The following AKAP13 variants were observed in gnomAD, a reference collection of about 807,000 sequenced individuals.
AKAP13 encodes the protein A-kinase anchor protein 13.
In AKAP13, 80 loss-of-function variants were observed where a neutral mutation model predicts 264.5. The ratio of observed to expected loss-of-function variants is 0.30; its 90% CI spans 0.25 to 0.36. The LOEUF is 0.36. Ranked by LOEUF, AKAP13 falls within the 10% of genes least tolerant of loss-of-function variation. AKAP13 has a pLI of 1.00. For synonymous variants in AKAP13, 1,380 were observed against 1,250.2 expected, an observed-to-expected ratio of 1.10 and a Z score of -2.19; for missense variants, 3,712 against 3,435.2, an observed-to-expected ratio of 1.08 and a Z score of -2.01.
intron 1 of AKAP13, among the ~76,000 whole-genome samples, chr15:85,482,718 A>G (rs1683457043): frequency 6.6e-6 from 1 of 152,212 alleles, no homozygotes; most frequent in Admixed American, 6.5e-5. Context: ...CACTAGTGAA[A>G]TAGGGGAAAT....
At chr15:85,648,807 C>G (rs1055550147) in intron 10 of AKAP13, among the ~76,000 whole-genome samples, 1 of 152,076 alleles carries the variant, frequency 6.6e-6, no homozygotes, top group South Asian at 2.1e-4. Flanking sequence ...CCACTGCACT[C>G]CAGCCTGGGC....
intron 1 of AKAP13, among the ~76,000 whole-genome samples, chr15:85,455,498 T>C (rs2074251035): frequency 6.6e-6 from 1 of 152,120 alleles, no homozygotes; most frequent in Non-Finnish European, 1.5e-5. Flanking sequence ...TTAGTCACAC[T>C]CTTTATACTT....
At chr15:85,553,623 T>C (rs2078040138) in intron 5 of AKAP13, among the ~76,000 whole-genome samples, 1 of 152,234 alleles carries the variant, frequency 6.6e-6, no homozygotes, top group Admixed American at 6.5e-5. Context: ...TTTTATGCTT[T>C]AACTGGCCAA....
chr15:85,458,010 C>T (rs1041545853), intron 1 of AKAP13, among the ~76,000 whole-genome samples: 2 of 151,922 alleles, frequency 1.3e-5, no homozygotes, highest in Non-Finnish European at 2.9e-5. Context: ...TGTGGTGGCG[C>T]CCGCCTGTAA....
intron 13 of AKAP13, among the ~76,000 whole-genome samples, chr15:85,667,604 G>C (rs2083675138): frequency 6.6e-6 from 1 of 152,204 alleles, no homozygotes; most frequent in Non-Finnish European, 1.5e-5. Flanking sequence ...TACCAAAATT[G>C]TGGATTTGTA....
Position 85,746,968 on chromosome 15 carries a change from A to G in AKAP13, c.*2291A>G, listed in dbSNP as rs1425007520. ...AGAGCACGTCGCCACAGAGCTTGAC[A>G]TCAATGTTAGAGGGTCTCTTACTCC... On this transcript the variant is annotated 3_prime_UTR_variant, in exon 37 of 37. Coordinates refer to ENST00000394518, the MANE Select transcript of AKAP13 (RefSeq NM_007200.5). 3 of 152,188 alleles carry G rather than the reference A, an allele frequency of 2.0e-5. No individual in the cohort carries two copies. The highest frequency in any genetic ancestry group is 4.8e-5 in the African/African-American group (2 of 41,448). 9.4% of individuals were successfully genotyped at this position (152,188 alleles called of 1,614,324 possible).
At chr15:85,633,096 A>G (rs397639) in intron 8 of AKAP13, among the ~76,000 whole-genome samples, 39,173 of 151,830 alleles carry the variant, frequency 0.26, 7,004 homozygotes, top group East Asian at 0.57. Flanking sequence ...TCGAACTCCT[A>G]ACCTTGTGAT....
At chr15:85,586,715 C>T (rs1056845508) in intron 8 of AKAP13, among the ~76,000 whole-genome samples, 2 of 151,930 alleles carry the variant, frequency 1.3e-5, no homozygotes, top group Non-Finnish European at 2.9e-5. Flanking sequence ...TACCTGAGGT[C>T]GGAAGTTCAA....
intron 17 of AKAP13, among the ~76,000 whole-genome samples, chr15:85,706,837 C>T (rs756745406): frequency 6.6e-6 from 1 of 152,064 alleles, no homozygotes; most frequent in Non-Finnish European, 1.5e-5. Context: ...AAGGAGGAGA[C>T]CTGTGAACCA....
chr15:85,710,693 C>T, intron 19 of AKAP13, 48 bp downstream of exon 19: 1 of 1,581,416 alleles, frequency 6.3e-7, no homozygotes, highest in Non-Finnish European at 8.6e-7. Context: ...CTTTCTGGTT[C>T]TGAATGTAAA....
intron 2 of AKAP13, among the ~76,000 whole-genome samples, chr15:85,487,143 C>G (rs2075578617): frequency 1.3e-5 from 2 of 152,226 alleles, no homozygotes; most frequent in Admixed American, 6.5e-5. Flanking sequence ...AAACTATAAT[C>G]TAACTTGTTT....
intron 8 of AKAP13, among the ~76,000 whole-genome samples, chr15:85,601,069 A>G (rs917466359): frequency 2.0e-5 from 3 of 152,230 alleles, no homozygotes; most frequent in African/African-American, 7.2e-5. Flanking sequence ...AGCAAAATTT[A>G]TCCTTGATGG....
intron 5 of AKAP13, among the ~76,000 whole-genome samples, chr15:85,569,293 G>T (rs115515716): frequency 0.013 from 2,014 of 152,188 alleles, 58 homozygotes; most frequent in African/African-American, 0.046. Context: ...AAGGATAGAT[G>T]AAAGAAGAGG....
At chr15:85,459,867 T>G (rs2074440365) in intron 1 of AKAP13, among the ~76,000 whole-genome samples, 1 of 152,328 alleles carries the variant, frequency 6.6e-6, no homozygotes, top group South Asian at 2.1e-4. Flanking sequence ...GACTCCTACT[T>G]AGTCTTCACT....
At chr15:85,535,282 C>T (rs2077353102) in intron 4 of AKAP13, 1 of 152,210 alleles carries the variant, frequency 6.6e-6, no homozygotes. Context: ...TCTCTTAAAT[C>T]TACACTAAAT....
At position 85,533,751 on chromosome 15, in the gene AKAP13, C is replaced by G; in HGVS notation, c.349C>G (p.Arg117Gly). ...AAATCAGCAGGCTTTGAACTTTACC[C>G]GTTTTCTTGACCAGTCAGGACCCCC... ...AGNQQALNFTRFLDQSGPPSG... is the reference protein window; with the variant it reads ...AGNQQALNFTGFLDQSGPPSG... The change falls in exon 4 of 37, where the codon CGT (arginine) becomes GGT (glycine). Residue 117 changes from arginine to glycine, a missense_variant. This residue lies in a region of AKAP13 where 2,759 missense variants were observed against 2,411.7 expected (regional missense o/e 1.14). Coordinates refer to ENST00000394518, the MANE Select transcript of AKAP13 (RefSeq NM_007200.5). 1.2e-6 allele frequency: 2 copies of G among 1,614,152 alleles called. No individual in the cohort carries two copies. The highest frequency in any genetic ancestry group is 1.3e-5 in the African/African-American group (1 of 75,028).
At position 85,727,606 on chromosome 15, in the gene AKAP13, G is replaced by C. The variant is rs1376198987; in HGVS notation, c.7087+143G>C. The C allele has an allele frequency of 1.2e-6, 1 of 805,470 alleles. No homozygotes were observed. The highest frequency in any genetic ancestry group is 2.0e-6 in the Non-Finnish European group (1 of 506,778). 49.9% of individuals were successfully genotyped at this position (805,470 alleles called of 1,614,324 possible). Reference sequence around the variant, plus strand: ...CTTGAAAGCAGCAAAATGAATAGCTGTTAACAAAAGAGAAACCAAGGCCAG... The same window carrying C: ...CTTGAAAGCAGCAAAATGAATAGCTCTTAACAAAAGAGAAACCAAGGCCAG... On this transcript the variant is annotated intron_variant, in intron 29 of 36. Coordinates refer to ENST00000394518, the MANE Select transcript of AKAP13 (RefSeq NM_007200.5). This position sits in a 1 kb window ranked among gnomAD's most constrained non-coding sequence, Gnocchi z 5.3.
intron 3 of AKAP13, among the ~76,000 whole-genome samples, chr15:85,522,410 CCTAA>C (rs2076854471): frequency 1.3e-5 from 2 of 152,050 alleles, no homozygotes; most frequent in Non-Finnish European, 1.5e-5. Flanking sequence ...TGGCCTGTGT[CCTAA>C]CTGTGATCCT....
chr15:85,538,203 T>C (rs1489007778), intron 4 of AKAP13, among the ~76,000 whole-genome samples: 3 of 152,134 alleles, frequency 2.0e-5, no homozygotes, highest in Non-Finnish European at 4.4e-5. Context: ...GCAGACTTGC[T>C]CTAGAGGAAG....
Sources: allele counts gnomAD v4.1 joint callset (sites outside exome capture counted in the v4.1 genomes callset), GRCh38; gene constraint gnomAD v4.1.1; regional missense constraint gnomAD v4.1.1; non-coding constraint Gnocchi (gnomAD v3.1); transcripts MANE v1.5; gene names NCBI Gene and HGNC (gene_info 2026-07-23, HGNC 2026-07-21).